SLCO1B3: variants seen among roughly 807,000 people sequenced by gnomAD.
SLCO1B3 encodes liver-specific organic anion transporter 2.
SLCO1B3 carries 72 observed loss-of-function variants against 71.8 expected under a neutral mutation model. The ratio of observed to expected loss-of-function variants is 1.00; its 90% CI spans 0.83 to 1.22. The LOEUF (loss-of-function observed/expected upper bound fraction) is 1.22, where lower values mean the gene tolerates loss of function less well. Among genes scored for constraint, SLCO1B3 ranks in the 50% most tolerant of loss-of-function variants. SLCO1B3 has a pLI of 0.00. For synonymous variants in SLCO1B3, 298 were observed against 278.4 expected (o/e 1.07, Z -0.70); for missense variants, 911 against 819.7 (o/e 1.11, Z -1.36).
intron 13 of SLCO1B3, among the ~76,000 whole-genome samples, chr12:20,898,006 G>A (rs1866049849): frequency 1.3e-5 from 2 of 152,092 alleles, no homozygotes; most frequent in Non-Finnish European, 2.9e-5. Context: ...AAGCTATTCT[G>A]TTAACATTGA....
chr12:20,845,126 A>T (rs1185566878), intron 3 of SLCO1B3: 1 of 444,642 alleles, frequency 2.2e-6, no homozygotes, highest in African/African-American at 2.1e-5. Flanking sequence ...ATTATCCAGC[A>T]AGACTTAGAC....
At chr12:20,834,733 A>G (rs755758986) in intron 3 of SLCO1B3, among the ~76,000 whole-genome samples, 75 of 152,034 alleles carry the variant, frequency 4.9e-4, no homozygotes, top group Non-Finnish European at 5.4e-4. Flanking sequence ...CCCTCCTCCC[A>G]GCTGCTTTCA....
intron 3 of SLCO1B3, among the ~76,000 whole-genome samples, chr12:20,829,441 C>A (rs927771447): frequency 6.6e-6 from 1 of 152,196 alleles, no homozygotes; most frequent in Admixed American, 6.5e-5. Context: ...CAGGAAAACT[C>A]CCCTTCTTTG....
intron 5 of SLCO1B3, among the ~76,000 whole-genome samples, chr12:20,859,322 C>T (rs1591765175): frequency 6.6e-6 from 1 of 152,104 alleles, no homozygotes; most frequent in Non-Finnish European, 1.5e-5. Flanking sequence ...GAAAAATGTA[C>T]TTTATTCCAG....
intron 3 of SLCO1B3, among the ~76,000 whole-genome samples, chr12:20,830,097 T>G (rs1290725240): frequency 6.6e-6 from 1 of 152,172 alleles, no homozygotes; most frequent in African/African-American, 2.4e-5. Flanking sequence ...ATCCAGCCTC[T>G]ATTCAAGATG....
chr12:20,881,974 C>T (rs1865703755), intron 12 of SLCO1B3, among the ~76,000 whole-genome samples: 2 of 152,160 alleles, frequency 1.3e-5, no homozygotes, highest in African/African-American at 2.4e-5. Context: ...ATAAAGCCTC[C>T]TAGTTTCCTT....
intron 8 of SLCO1B3, among the ~76,000 whole-genome samples, chr12:20,869,845 C>G (rs1316544283): frequency 6.6e-6 from 1 of 152,118 alleles, no homozygotes; most frequent in Admixed American, 6.5e-5. Flanking sequence ...TTTGGATATA[C>G]ACCTAGAAGT....
At chr12:20,815,887 C>G in intron 3 of SLCO1B3, 65 bp downstream of exon 3, 2 of 952,572 alleles carry the variant, frequency 2.1e-6, no homozygotes, top group Admixed American at 4.9e-5. Flanking sequence ...TATAGAAAGG[C>G]CACTAACTGT....
Position 20,862,793 on chromosome 12 carries a change from T to C in SLCO1B3, c.666T>C (p.Ile222=), listed in dbSNP as rs1194909006. The change falls in exon 8 of 16, where the codon ATT becomes ATC. Residue 222 remains isoleucine (I), a synonymous_variant. Coordinates refer to ENST00000381545, the MANE Select transcript of SLCO1B3 (RefSeq NM_019844.4). ...CAATAGGAATGATTGGTCCAGTCAT[T>C]GGCTTTGCACTGGGATCTCTGTTTG... ...LNAIGMIGPV[I]GFALGSLFAK... The C allele has an allele frequency of 6.2e-7, 1 of 1,612,010 alleles. No individual in the cohort carries two copies. Among genetic ancestry groups the C allele is most frequent in the Non-Finnish European group, 8.5e-7 (1 of 1,178,330 alleles).
At chr12:20,851,386 G>T (rs1168304513) in intron 3 of SLCO1B3, among the ~76,000 whole-genome samples, 1 of 152,118 alleles carries the variant, frequency 6.6e-6, no homozygotes, top group South Asian at 2.1e-4. Context: ...ATAGCTCATG[G>T]TAGTTTTGAT....
chr12:20,822,156 G>A (rs1464282927), intron 3 of SLCO1B3, among the ~76,000 whole-genome samples: 1 of 152,168 alleles, frequency 6.6e-6, no homozygotes, highest in East Asian at 1.9e-4. Flanking sequence ...TCCCAAGGGA[G>A]GTCCCCCGAT....
At chr12:20,908,092 T>G (rs1555161575) in intron 15 of SLCO1B3, among the ~76,000 whole-genome samples, 1 of 152,208 alleles carries the variant, frequency 6.6e-6, no homozygotes, top group Non-Finnish European at 1.5e-5. Context: ...AGTAAAGGTT[T>G]AGGTAAAAGT....
chr12:20,821,821 T>C (rs1270087351), intron 3 of SLCO1B3, among the ~76,000 whole-genome samples: 2 of 152,112 alleles, frequency 1.3e-5, no homozygotes, highest in Non-Finnish European at 2.9e-5. Context: ...ATCCCTGCAA[T>C]GATTAAACAC....
At chr12:20,888,330 C>A (rs925380215) in intron 13 of SLCO1B3, among the ~76,000 whole-genome samples, 2 of 151,768 alleles carry the variant, frequency 1.3e-5, no homozygotes, top group Non-Finnish European at 2.9e-5. Flanking sequence ...AATTCATGAG[C>A]GTAGGATGTT....
At chr12:20,832,239 A>T (rs1864556827) in intron 3 of SLCO1B3, among the ~76,000 whole-genome samples, 1 of 152,128 alleles carries the variant, frequency 6.6e-6, no homozygotes. Context: ...GTTGTTACTG[A>T]GTTGCATATA....
rs186992930 is a variant in SLCO1B3, at chr12:20,905,793, G to C, written c.1865+4326G>C. On this transcript the variant is annotated intron_variant, in intron 15 of 15. Transcript: ENST00000381545. ...AGTTTCAATCTTTCCCACATCTTCT[G>C]TCTCCTTCTGAGCACTCCTAACTGT... is the stretch of plus-strand genomic sequence containing the variant. Among the ~76,000 whole-genome samples, 201 of 152,256 alleles carry C rather than the reference G, an allele frequency of 1.3e-3. 2 individuals carry two copies. The highest frequency in any genetic ancestry group is 1.5e-4 in the Non-Finnish European group (10 of 68,024).
intron 13 of SLCO1B3, among the ~76,000 whole-genome samples, chr12:20,895,609 C>G (rs941334983): frequency 3.3e-5 from 5 of 152,094 alleles, no homozygotes; most frequent in Non-Finnish European, 5.9e-5. Flanking sequence ...AGGGTATAGC[C>G]TCCCTCCTGG....
At chr12:20,819,094 C>T (rs531194486) in intron 3 of SLCO1B3, among the ~76,000 whole-genome samples, 102 of 152,278 alleles carry the variant, frequency 6.7e-4, no homozygotes, top group South Asian at 1.7e-3. Context: ...CAGCGGCAGC[C>T]GCTGCACGCG....
At chr12:20,895,078 C>T (rs1371744807) in intron 13 of SLCO1B3, among the ~76,000 whole-genome samples, 1 of 152,116 alleles carries the variant, frequency 6.6e-6, no homozygotes, top group Non-Finnish European at 1.5e-5. Context: ...TGGGAAAGAC[C>T]ACGATTCAAT....
Sources: allele counts gnomAD v4.1 joint callset (sites outside exome capture counted in the v4.1 genomes callset), GRCh38; gene constraint gnomAD v4.1.1; transcripts MANE v1.5; gene names NCBI Gene and HGNC (gene_info 2026-07-23, HGNC 2026-07-21).